TTN: variants seen among roughly 807,000 people sequenced by gnomAD.
The protein encoded by TTN is titin.
A neutral mutation model predicts 3,223.0 loss-of-function variants in TTN; 1,525 were observed. The observed-to-expected ratio is 0.47, with a 90% CI of 0.45 to 0.49. TTN has a LOEUF of 0.49. TTN is among the 20% of genes least tolerant of loss of function. The probability of loss-of-function intolerance (pLI) is 0.00; values close to 1 mark genes in which losing one functional copy is unlikely to be tolerated. For missense variants in TTN, 40,786 were observed against 43,424.0 expected, an observed-to-expected ratio of 0.94 and a Z score of 5.40; for synonymous variants, 14,094 against 15,161.0, an observed-to-expected ratio of 0.93 and a Z score of 5.17.
At chr2:178,707,852 C>CA (rs2076107091) in intron 99 of TTN, 39 bp from the exon 100 acceptor site, 1 of 1,523,526 alleles carries the variant, frequency 6.6e-7, no homozygotes, top group Non-Finnish European at 8.8e-7. Context: ...AACATAAAGG[C>CA]AAAAAAGTAT....
rs763666119 is a variant in TTN, at chr2:178,770,472, C to T, written c.8320G>A (p.Glu2774Lys). ...CCAAGCCTGAAGCCATAAACAGACT[C>T]ATCCACGATGGCACAGTTTTTAATC... Reference protein sequence around the residue: ...LRIKNCAIVDESVYGFRLGRL... With the variant: ...LRIKNCAIVDKSVYGFRLGRL... The change falls in exon 35 of 363, where the codon GAG (glutamate) becomes AAG (lysine). Residue 2774 changes from glutamate to lysine, a missense_variant. Glu to Lys is a moderately conservative substitution (Grantham distance 56, BLOSUM62 1). Coordinates refer to ENST00000589042, the MANE Select transcript of TTN (RefSeq NM_001267550.2). 9 of 1,614,030 alleles carry T rather than the reference C, an allele frequency of 5.6e-6. No homozygotes were observed. In the East Asian group the frequency reaches 1.1e-4, roughly 20 times the overall value.
At chr2:178,757,232 C>CTGTACTTACTTTAAGTACAGTA (rs2087537043) in intron 45 of TTN, among the ~76,000 whole-genome samples, 2 of 2,100 alleles carry the variant, frequency 9.5e-4, no homozygotes, top group African/African-American at 3.0e-3. Context: ...AAGTAATAAT[C>CTGTACTTACTTTAAGTACAGTA]AGCAAATAGA....
rs1192481325 is a variant in TTN at position 178,549,112 on chromosome 2, C to T, written c.92514G>A (p.Val30838=). The T allele has an allele frequency of 6.2e-7, 1 of 1,613,766 alleles. No individual in the cohort carries two copies. Among genetic ancestry groups the T allele is most frequent in the Non-Finnish European group, 8.5e-7 (1 of 1,179,844 alleles). Residue 30838 remains valine (V), a synonymous_variant, in exon 339 of 363, where the codon GTG becomes GTA. Transcript: ENST00000589042. ...ACACTGGTTTGGACCATTCTAAGCT[C>T]ACAGTTGTCTTTGATGTGTCTGTTA... ...VKVTDTSKTT[V]SLEWSKPVFD...
At chr2:178,691,886 A>T in intron 121 of TTN, 130 bp downstream of exon 121, 1 of 657,334 alleles carries the variant, frequency 1.5e-6, no homozygotes, top group Non-Finnish European at 2.4e-6. Flanking sequence ...GGAAGCTGAC[A>T]AACAGTAAAA....
rs777774818 is a variant in TTN at position 178,532,033 on chromosome 2, C to A, written c.104582G>T (p.Arg34861Leu). Residue 34861 changes from arginine (R) to leucine (L), a missense_variant, in exon 358 of 363, where the codon CGT becomes CTT. Physicochemically the swap from Arg to Leu is moderately radical, Grantham distance 102. Transcript: ENST00000589042. ...TTCGTATTCCTCAGCCGGTTGTGGA[C>A]GTGACCGGATCAGCTCAGACACTGG... ...MRPVSELIRS[R>L]PQPAEEYEDD... 1 of 1,613,840 alleles carries A rather than the reference C, an allele frequency of 6.2e-7. No homozygotes were observed. The highest frequency in any genetic ancestry group is 1.7e-5 in the Admixed American group (1 of 60,004).
chr2:178,704,574 TTTAAG>T lies in TTN; in HGVS notation c.29893_29897del (p.Leu9965ArgfsTer15). The stretch of plus-strand genomic sequence containing the variant: ...AAACCAATCGATAATTGCCCTGGTC[TTTAAG>T]TTGACAGTTTTTGACTCTGAGTGTA... On this transcript the variant is annotated frameshift_variant, in exon 105 of 363. Coordinates refer to ENST00000589042, the MANE Select transcript of TTN (RefSeq NM_001267550.2). LOFTEE classifies it high-confidence loss of function. The T allele has an allele frequency of 6.2e-7, 1 of 1,613,666 alleles. No homozygotes were observed. Among genetic ancestry groups the T allele is most frequent in the Non-Finnish European group, 8.5e-7 (1 of 1,179,702 alleles).
chr2:178,638,533 T>C (rs916192149), intron 223 of TTN, among the ~76,000 whole-genome samples: 1 of 151,324 alleles, frequency 6.6e-6, no homozygotes, highest in African/African-American at 2.4e-5. Context: ...CACATCTCAC[T>C]GTGGAATGTA....
At chr2:178,633,371 C>A in intron 232 of TTN, 42 bp downstream of exon 232, 11 of 1,612,948 alleles carry the variant, frequency 6.8e-6, no homozygotes, top group Non-Finnish European at 9.3e-6. Flanking sequence ...TAATAAACTG[C>A]AGATTCAGAT....
chr2:178,735,561 GCT>G lies in TTN; in HGVS notation c.14883_14884del (p.Ala4962PhefsTer3), dbSNP rs2154314201. ...GGAGCTGCTTCCAGCCTCATTTGAA[GCT>G]GTACAGACATAGGTTCCTGAATCTT... On this transcript the variant is annotated frameshift_variant, in exon 50 of 363. Coordinates refer to ENST00000589042, the MANE Select transcript of TTN (RefSeq NM_001267550.2). LOFTEE classifies it high-confidence loss of function. 6.2e-7 allele frequency: 1 copy of G among 1,609,068 alleles called. No homozygotes were observed. The highest frequency in any genetic ancestry group is 2.2e-5 in the East Asian group (1 of 44,748).
At position 178,731,796 on chromosome 2, in the gene TTN, G is replaced by A. The variant is rs372588069; in HGVS notation, c.17079C>T (p.Ser5693=). 3.8e-5 allele frequency: 61 copies of A among 1,613,688 alleles called. No homozygotes were observed. In the South Asian group the frequency reaches 6.3e-4, roughly 17 times the overall value. ...YKTFIQDHLV[S]LQILKFVAAD... ...CAGCTACAAACTTGAGGATCTGCAGGCTAACCAGATGATCCTGAATGAAAG... is the reference window on the plus strand; with the variant it reads ...CAGCTACAAACTTGAGGATCTGCAGACTAACCAGATGATCCTGAATGAAAG... The change falls in exon 58 of 363, where the codon AGC becomes AGT. Residue 5693 remains serine (S), a synonymous_variant. Transcript: ENST00000589042.
In TTN at chr2:178,741,083, C is replaced by T; in HGVS notation, c.12150G>A (p.Glu4050=). ...CKAKSTPEAP[E]DFPQTPLKGP... ...CCTTTAAGGGTGTCTGTGGAAAATCCTCAGGAGCCTCTGGTGTGGACTTTG... is the reference window on the plus strand; with the variant it reads ...CCTTTAAGGGTGTCTGTGGAAAATCTTCAGGAGCCTCTGGTGTGGACTTTG... The change falls in exon 48 of 363, where the codon GAG becomes GAA. Residue 4050 remains glutamate (E), a synonymous_variant. Transcript: ENST00000589042. 6.2e-7 allele frequency: 1 copy of T among 1,613,858 alleles called. No individual in the cohort carries two copies. Among genetic ancestry groups the T allele is most frequent in the Non-Finnish European group, 8.5e-7 (1 of 1,179,836 alleles).
chr2:178,551,144 GCCGTTT>G lies in TTN; in HGVS notation c.91381_91386del (p.Lys30461_Arg30462del). On this transcript the variant is annotated inframe_deletion, in exon 336 of 363. Transcript: ENST00000589042. ...CATCTCACCCAGCGTTCATTTCCTT[GCCGTTT>G]CTCAATGCTATAGCCCACAATCTTA... is the stretch of plus-strand genomic sequence containing the variant. 6.2e-7 allele frequency: 1 copy of G among 1,613,430 alleles called. No individual in the cohort carries two copies. Among genetic ancestry groups the G allele is most frequent in the Non-Finnish European group, 8.5e-7 (1 of 1,179,622 alleles).
chr2:178,787,866 G>C (rs536819880), intron 13 of TTN, among the ~76,000 whole-genome samples: 1 of 152,108 alleles, frequency 6.6e-6, no homozygotes, highest in South Asian at 2.1e-4. Context: ...AGTGGACTTT[G>C]ATATCTCTCA....
chr2:178,583,774 T>G lies in TTN; in HGVS notation c.65408A>C (p.Lys21803Thr), dbSNP rs2048309985. The stretch of plus-strand genomic sequence containing the variant: ...AGGTGCAGTATTGCACCGTACCCAT[T>G]TATCACCAGGAAGTTTGCAAGCTTC... ...FVEACKLPGD[K>T]WVRCNTAPHQ... Residue 21803 changes from lysine to threonine, a missense_variant, in exon 312 of 363, where the codon AAA (lysine) becomes ACA (threonine). Coordinates refer to ENST00000589042, the MANE Select transcript of TTN (RefSeq NM_001267550.2). 6.2e-7 allele frequency: 1 copy of G among 1,611,238 alleles called. No homozygotes were observed. Among genetic ancestry groups the G allele is most frequent in the African/African-American group, 1.3e-5 (1 of 74,860 alleles).
chr2:178,538,156 G>A, intron 354 of TTN: 1 of 539,316 alleles, frequency 1.9e-6, no homozygotes, highest in Non-Finnish European at 3.2e-6. Flanking sequence ...ATTGGAAGGG[G>A]ATTAATAATG....
chr2:178,655,182 C>T (rs2063796564), intron 189 of TTN, among the ~76,000 whole-genome samples, 187 bp from the exon 190 acceptor site: 1 of 136,642 alleles, frequency 7.3e-6, no homozygotes, highest in Admixed American at 7.3e-5. Context: ...ACGACAAAAA[C>T]CACGTGATTA....
At chr2:178,671,258 A>T in intron 155 of TTN, 88 bp from the exon 156 acceptor site, 1 of 836,880 alleles carries the variant, frequency 1.2e-6, no homozygotes, top group Non-Finnish European at 1.8e-6. Flanking sequence ...GAGGGGTCAC[A>T]AAATTCTTTA....
chr2:178,586,701 G>A lies in TTN; in HGVS notation c.64200C>T (p.Gly21400=), dbSNP rs2154181567. The change falls in exon 308 of 363, where the codon GGC becomes GGT. Residue 21400 remains glycine, a synonymous_variant. Transcript: ENST00000589042. ...PLRDGGAKID[G]YITSYREEEQ... is the part of the protein sequence containing the mutation. ...CTTCTTCTCTGTAACTAGTGATGTA[G>A]CCATCGATTTTAGCACCTCCATCAC... is the stretch of plus-strand genomic sequence containing the variant. 1.2e-6 allele frequency: 2 copies of A among 1,613,102 alleles called. No homozygotes were observed. The highest frequency in any genetic ancestry group is 1.7e-6 in the Non-Finnish European group (2 of 1,179,384).
At chr2:178,685,423 A>T (rs559185337) in intron 128 of TTN, 93 bp from the exon 129 acceptor site, 5 of 1,452,842 alleles carry the variant, frequency 3.4e-6, no homozygotes, top group African/African-American at 1.4e-5. Flanking sequence ...GATATTTATC[A>T]ATATTTGCAA....
Sources: allele counts gnomAD v4.1 joint callset (sites outside exome capture counted in the v4.1 genomes callset), GRCh38; gene constraint gnomAD v4.1.1; transcripts MANE v1.5; gene names NCBI Gene and HGNC (gene_info 2026-07-23, HGNC 2026-07-21).